Variants in DAB1 observed in about 807,000 individuals in gnomAD.
DAB1 encodes the protein disabled homolog 1.
In DAB1, 15 loss-of-function variants were observed where a neutral mutation model predicts 64.6. That is an observed-to-expected ratio of 0.23 (90% confidence interval 0.16 to 0.36). DAB1 has a LOEUF of 0.36. DAB1 is among the 10% of genes least tolerant of loss of function. The probability of loss-of-function intolerance (pLI) is 1.00; values close to 1 mark genes in which losing one functional copy is unlikely to be tolerated. For missense variants in DAB1, 596 were observed against 706.7 expected (o/e 0.84, Z 1.78); for synonymous variants, 235 against 251.9 (o/e 0.93, Z 0.64).
chr1:57,234,910 C>T (rs577590209), intron 2 of DAB1, among the ~76,000 whole-genome samples: 10 of 152,340 alleles, frequency 6.6e-5, no homozygotes, highest in African/African-American at 2.2e-4. Context: ...CCAGCAACAG[C>T]ACATTGAATC....
At chr1:58,256,761 A>C (rs1660940866) in intron 4 of DAB1, among the ~76,000 whole-genome samples, 1 of 152,176 alleles carries the variant, frequency 6.6e-6, no homozygotes, top group African/African-American at 2.4e-5. Flanking sequence ...TGGCACTAAT[A>C]TAGGCTTGGA....
chr1:57,674,070 G>A (rs185624811), intron 6 of DAB1, among the ~76,000 whole-genome samples: 1 of 152,160 alleles, frequency 6.6e-6, no homozygotes, highest in South Asian at 2.1e-4. Context: ...TGAGTAATAG[G>A]GGGGCAGGTT....
intron 5 of DAB1, among the ~76,000 whole-genome samples, chr1:58,102,228 G>A (rs1054471532): frequency 9.2e-5 from 14 of 152,144 alleles, no homozygotes; most frequent in African/African-American, 3.1e-4. Flanking sequence ...ACTCTGTCCC[G>A]CCTCCCTCAA....
chr1:57,731,629 A>C (rs1647424106), intron 6 of DAB1, among the ~76,000 whole-genome samples: 1 of 152,046 alleles, frequency 6.6e-6, no homozygotes, highest in Non-Finnish European at 1.5e-5. Flanking sequence ...ACGTGGTGAA[A>C]TCCCGTCTCT....
At chr1:57,935,532 G>T (rs1645012894) in intron 5 of DAB1, among the ~76,000 whole-genome samples, 1 of 152,170 alleles carries the variant, frequency 6.6e-6, no homozygotes, top group Non-Finnish European at 1.5e-5. Context: ...AGGAGAAGGA[G>T]AAAAGGGGAA....
At position 57,193,388 on chromosome 1, in the gene DAB1, T is replaced by TTTTTTG. The variant is rs1331867733; in HGVS notation, c.68-47960_68-47959insCAAAAA. On this transcript the variant is annotated intron_variant, in intron 2 of 14. Transcript: ENST00000371236. Reference sequence around the variant, plus strand: ...GATTCATCCGTAGCATATGTTTTTTTTTTTTTTTTTTTTTTTGAGACAGAG... The same window carrying TTTTTTG: ...GATTCATCCGTAGCATATGTTTTTTTTTTTTGTTTTTTTTTTTTTTTTGAGACAGAG... Among the ~76,000 whole-genome samples the TTTTTTG allele has an allele frequency of 8.3e-5, 11 of 132,728 alleles. 2 individuals are homozygous for TTTTTTG. The highest frequency in any genetic ancestry group is 3.2e-4 in the African/African-American group (11 of 34,664). 87.1% of individuals were successfully genotyped at this position (132,728 alleles called of 152,430 possible).
intron 5 of DAB1, among the ~76,000 whole-genome samples, chr1:58,069,581 C>G (rs1205533349): frequency 6.6e-6 from 1 of 152,160 alleles, no homozygotes; most frequent in Non-Finnish European, 1.5e-5. Context: ...CCAGTTCACC[C>G]AGACAGCGAG....
chr1:58,379,831 A>G (rs1477432927), intron 3 of DAB1, among the ~76,000 whole-genome samples: 6 of 152,190 alleles, frequency 3.9e-5, no homozygotes, highest in African/African-American at 1.2e-4. Context: ...AGAGGTCACA[A>G]ATTGTCCCCC....
intron 9 of DAB1, among the ~76,000 whole-genome samples, chr1:57,048,343 T>C (rs1648791432): frequency 6.6e-6 from 1 of 152,236 alleles, no homozygotes; most frequent in Non-Finnish European, 1.5e-5. Context: ...TCTTTTCATC[T>C]TGTTGACTGG....
chr1:57,648,608 C>T (rs115589437), intron 7 of DAB1, among the ~76,000 whole-genome samples: 68 of 152,306 alleles, frequency 4.5e-4, no homozygotes, highest in African/African-American at 1.4e-3. Context: ...CCAGCCTCCC[C>T]GCTCCTTCTC....
At chr1:57,641,896 G>A (rs1646135264) in intron 7 of DAB1, among the ~76,000 whole-genome samples, 1 of 152,116 alleles carries the variant, frequency 6.6e-6, no homozygotes, top group South Asian at 2.1e-4. Flanking sequence ...CCGAGATTTA[G>A]GGAAGTTGTG....
chr1:57,889,908 G>GGGC lies in DAB1; in HGVS notation n.388-5747_388-5746insGCC, dbSNP rs1553139943. Among the ~76,000 whole-genome samples, 41 of 90,458 alleles carry GGGC rather than the reference G, an allele frequency of 4.5e-4. 1 individual carries two copies. Among genetic ancestry groups the GGGC allele is most frequent in the African/African-American group, 1.4e-3 (38 of 26,752 alleles). 59.3% of individuals were successfully genotyped at this position (90,458 alleles called of 152,430 possible). On this transcript the variant is annotated intron_variant and non_coding_transcript_variant, in intron 5 of 20. Coordinates refer to the DAB1 transcript ENST00000485760. ...GTAGCACAAACTGGGGCGGGGGGGG[G>GGGC]GGAGGGGGAAGAAATCACTGGAGTA...
intron 1 of DAB1, among the ~76,000 whole-genome samples, chr1:57,355,402 G>A (rs113732072): frequency 4.2e-4 from 58 of 139,530 alleles, no homozygotes; most frequent in African/African-American, 6.4e-4. Flanking sequence ...CCGTCCTTCC[G>A]TCCTTCCTTC....
intron 6 of DAB1, among the ~76,000 whole-genome samples, chr1:57,783,475 T>A (rs1434837490): frequency 6.6e-6 from 1 of 152,204 alleles, no homozygotes; most frequent in Non-Finnish European, 1.5e-5. Context: ...TTTTAATTTC[T>A]CCTGCAAGCT....
chr1:58,372,105 C>G (rs189970368), intron 3 of DAB1, among the ~76,000 whole-genome samples: 159 of 152,304 alleles, frequency 1.0e-3, no homozygotes, highest in African/African-American at 3.5e-3. Flanking sequence ...GATCCACTGA[C>G]AGCTTGCGCC....
intron 6 of DAB1, among the ~76,000 whole-genome samples, chr1:57,801,884 C>T (rs938099914): frequency 9.2e-5 from 14 of 152,262 alleles, no homozygotes; most frequent in African/African-American, 2.6e-4. Flanking sequence ...TCTCAAACTC[C>T]TGATCTCAAG....
At chr1:58,475,631 C>T (rs886165465) in intron 3 of DAB1, among the ~76,000 whole-genome samples, 1 of 152,170 alleles carries the variant, frequency 6.6e-6, no homozygotes, top group African/African-American at 2.4e-5. Context: ...AGTGACCTCT[C>T]TTAACTAATA....
At chr1:57,216,812 A>G (rs929901580) in intron 2 of DAB1, among the ~76,000 whole-genome samples, 8 of 151,720 alleles carry the variant, frequency 5.3e-5, no homozygotes, top group Admixed American at 5.2e-4. Flanking sequence ...TGGAAGCAGC[A>G]AGATTCTAGA....
intron 1 of DAB1, chr1:57,864,693 T>C (rs1426255152): frequency 6.7e-6 from 1 of 148,976 alleles, no homozygotes; most frequent in East Asian, 2.0e-4. Context: ...ATTATTTATT[T>C]ATTTATATTA....
Sources: gnomAD v4.1 joint callset for allele counts (sites outside exome capture counted in the v4.1 genomes callset) on GRCh38, gnomAD v4.1.1 for gene constraint, MANE v1.5 for transcripts, NCBI Gene and HGNC (gene_info 2026-07-23, HGNC 2026-07-21) for gene names.